LINGO2: variants seen among roughly 807,000 people sequenced by gnomAD.
LINGO2 encodes the protein leucine-rich repeat and immunoglobulin-like domain-containing nogo receptor-interacting protein 2.
A neutral mutation model predicts 30.6 loss-of-function variants in LINGO2; 14 were observed. The ratio of observed to expected loss-of-function variants is 0.46; its 90% confidence interval spans 0.30 to 0.72. The LOEUF (loss-of-function observed/expected upper bound fraction) is 0.72, where lower values mean the gene tolerates loss of function less well. Ranked by LOEUF, LINGO2 falls within the 30% of genes least tolerant of loss-of-function variation. LINGO2 has a pLI of 0.07. For missense variants in LINGO2, 729 were observed against 751.7 expected (o/e 0.97, Z 0.35); for synonymous variants, 317 against 288.5 (o/e 1.10, Z -1.00).
chr9:29,153,493 T>C, the LINGO2 span, among the ~76,000 whole-genome samples: 1 of 152,192 alleles, frequency 6.6e-6, no homozygotes, highest in Non-Finnish European at 1.5e-5. Flanking sequence ...TTAATAGCTA[T>C]GAAAATAAAA....
chr9:27,979,155 C>T (rs1353439707), intron 5 of LINGO2, among the ~76,000 whole-genome samples: 4 of 151,918 alleles, frequency 2.6e-5, no homozygotes, highest in African/African-American at 7.3e-5. Context: ...TGGGAATGGC[C>T]ACCTGAAGCC....
At chr9:28,030,225 A>ATGTT (rs1231630519) in intron 4 of LINGO2, among the ~76,000 whole-genome samples, 1 of 152,190 alleles carries the variant, frequency 6.6e-6, no homozygotes, top group Non-Finnish European at 1.5e-5. Context: ...CATGTTCAAC[A>ATGTT]CTAACTTGGA....
chr9:28,539,518 C>G (rs567947628), intron 1 of LINGO2, among the ~76,000 whole-genome samples: 7 of 151,936 alleles, frequency 4.6e-5, no homozygotes, highest in African/African-American at 1.7e-4. Context: ...AAAAACAAGG[C>G]AAACAATTTG....
intron 2 of LINGO2, among the ~76,000 whole-genome samples, chr9:28,382,964 A>G (rs1293443328): frequency 6.6e-6 from 1 of 152,076 alleles, no homozygotes; most frequent in Non-Finnish European, 1.5e-5. Context: ...TCATATAACA[A>G]ATATATAACA....
chr9:28,290,347 G>A (rs751218169), intron 4 of LINGO2, among the ~76,000 whole-genome samples: 6 of 152,104 alleles, frequency 3.9e-5, no homozygotes, highest in Admixed American at 6.6e-5. Context: ...ACCAACTTAC[G>A]CCTCACCATT....
At chr9:28,620,625 G>A (rs1285948104) in intron 1 of LINGO2, among the ~76,000 whole-genome samples, 1 of 151,980 alleles carries the variant, frequency 6.6e-6, no homozygotes, top group Non-Finnish European at 1.5e-5. Context: ...AGAGAGCCAA[G>A]ACAGAAATGA....
chr9:28,642,634 A>G (rs1827646661), intron 1 of LINGO2, among the ~76,000 whole-genome samples: 4 of 152,144 alleles, frequency 2.6e-5, no homozygotes. Context: ...TAATTCTGTT[A>G]TCACAAAAAT....
intron 1 of LINGO2, among the ~76,000 whole-genome samples, chr9:28,552,780 T>C (rs1025254957): frequency 6.6e-6 from 1 of 151,774 alleles, no homozygotes; most frequent in African/African-American, 2.4e-5. Flanking sequence ...TTTTTCCTAA[T>C]TTCAATCTTA....
intron 1 of LINGO2, among the ~76,000 whole-genome samples, chr9:28,548,733 T>C (rs1326341467): frequency 7.0e-6 from 1 of 142,756 alleles, no homozygotes; most frequent in Non-Finnish European, 1.5e-5. Flanking sequence ...AAAAAAAATA[T>C]TTGATTCTAT....
chr9:27,946,124 C>T (rs80319102), downstream of LINGO2, among the ~76,000 whole-genome samples: 71 of 152,076 alleles, frequency 4.7e-4, no homozygotes, highest in African/African-American at 1.3e-3. Flanking sequence ...AGTTATAGCA[C>T]GAAAAGAAGT....
chr9:28,572,515 G>A (rs774845011), intron 1 of LINGO2, among the ~76,000 whole-genome samples: 110 of 152,120 alleles, frequency 7.2e-4, no homozygotes, highest in Non-Finnish European at 1.4e-3. Context: ...ATAACAACAA[G>A]GCCGCTCTTC....
the LINGO2 span, among the ~76,000 whole-genome samples, chr9:28,722,758 C>G: frequency 6.6e-6 from 1 of 152,278 alleles, no homozygotes; most frequent in African/African-American, 2.4e-5. Flanking sequence ...ATGCTATCTT[C>G]TCCTCTAGCC....
the LINGO2 span, among the ~76,000 whole-genome samples, chr9:29,207,850 C>A: frequency 2.0e-5 from 3 of 151,898 alleles, no homozygotes; most frequent in African/African-American, 4.8e-5. Flanking sequence ...CAAATCCTAG[C>A]GAACCTCATA....
chr9:28,959,911 T>C, the LINGO2 span, among the ~76,000 whole-genome samples: 1 of 152,160 alleles, frequency 6.6e-6, no homozygotes, highest in Non-Finnish European at 1.5e-5. Context: ...GTAAATATAG[T>C]GTACATCTCA....
the LINGO2 span, among the ~76,000 whole-genome samples, chr9:29,076,480 G>C: frequency 6.6e-6 from 1 of 151,238 alleles, no homozygotes; most frequent in Admixed American, 6.6e-5. Flanking sequence ...GACAGAAACT[G>C]TAGGGTAAAA....
At chr9:28,059,493 G>A (rs1587790475) in intron 4 of LINGO2, among the ~76,000 whole-genome samples, 1 of 152,050 alleles carries the variant, frequency 6.6e-6, no homozygotes, top group Admixed American at 6.6e-5. Context: ...TTAGAACTGT[G>A]CCTTCCCTTG....
At chr9:28,795,655 AT>A in the LINGO2 span, among the ~76,000 whole-genome samples, 1 of 151,784 alleles carries the variant, frequency 6.6e-6, no homozygotes, top group Non-Finnish European at 1.5e-5. Flanking sequence ...CGAAGGTAAA[AT>A]ATAAAGACTG....
intron 4 of LINGO2, among the ~76,000 whole-genome samples, chr9:28,191,935 G>A (rs1296618900): frequency 6.6e-6 from 1 of 151,896 alleles, no homozygotes; most frequent in Non-Finnish European, 1.5e-5. Context: ...ATTTCCTCTA[G>A]TCTTAGGGCT....
At chr9:28,903,183 G>A in the LINGO2 span, among the ~76,000 whole-genome samples, 1 of 151,914 alleles carries the variant, frequency 6.6e-6, no homozygotes, top group South Asian at 2.1e-4. Flanking sequence ...AGAAATGAAA[G>A]AGAGACATTA....
Sources: allele counts gnomAD v4.1 joint callset (sites outside exome capture counted in the v4.1 genomes callset), GRCh38; gene constraint gnomAD v4.1.1; transcripts MANE v1.5; gene names NCBI Gene and HGNC (gene_info 2026-07-23, HGNC 2026-07-21).